The following FER variants were observed in gnomAD, a reference collection of about 807,000 sequenced individuals.
FER encodes FER tyrosine kinase.
A neutral mutation model predicts 111.0 loss-of-function variants in FER; 63 were observed. The observed-to-expected ratio is 0.57, with a 90% CI of 0.46 to 0.70. The LOEUF is 0.70. Ranked by LOEUF, FER falls within the 30% of genes least tolerant of loss-of-function variation. FER has a pLI of 0.00. For missense variants in FER, 914 were observed against 954.0 expected (o/e 0.96, Z 0.55); for synonymous variants, 327 against 313.9 (o/e 1.04, Z -0.44).
At chr5:108,847,452 A>G (rs765637026) in intron 5 of FER, among the ~76,000 whole-genome samples, 15 of 152,098 alleles carry the variant, frequency 9.9e-5, no homozygotes, top group Non-Finnish European at 1.8e-4. Context: ...TAAATGCTTT[A>G]TGTGCACTTG....
chr5:109,035,299 G>C (rs1220129122), intron 13 of FER, among the ~76,000 whole-genome samples: 1 of 152,034 alleles, frequency 6.6e-6, no homozygotes, highest in Non-Finnish European at 1.5e-5. Flanking sequence ...TTTGCAGTCA[G>C]TCTTTCTCAA....
At chr5:108,753,303 T>C (rs1750703778) in intron 1 of FER, among the ~76,000 whole-genome samples, 2 of 152,138 alleles carry the variant, frequency 1.3e-5, no homozygotes, top group South Asian at 4.1e-4. Context: ...TACAATAAAT[T>C]TACTTAAGTT....
intron 16 of FER, among the ~76,000 whole-genome samples, chr5:109,063,796 C>G (rs1774745706): frequency 1.3e-5 from 2 of 152,150 alleles, no homozygotes; most frequent in South Asian, 4.1e-4. Flanking sequence ...TCCTTTAAAA[C>G]AACTTTGATA....
intron 16 of FER, among the ~76,000 whole-genome samples, chr5:109,069,034 T>C (rs1215962889): frequency 6.6e-6 from 1 of 152,200 alleles, no homozygotes; most frequent in African/African-American, 2.4e-5. Context: ...TCATTTTTTT[T>C]TCTTCCTACT....
At chr5:108,856,984 A>G (rs1054680192) in intron 5 of FER, among the ~76,000 whole-genome samples, 8 of 152,082 alleles carry the variant, frequency 5.3e-5, no homozygotes, top group Non-Finnish European at 1.0e-4. Context: ...TTTTGATCCA[A>G]TTTTCACAGC....
At chr5:109,157,594 A>G (rs938166624) in intron 17 of FER, among the ~76,000 whole-genome samples, 28 of 152,068 alleles carry the variant, frequency 1.8e-4, no homozygotes, top group African/African-American at 6.8e-4. Flanking sequence ...GTTAACTTCA[A>G]TAGATTTCCT....
chr5:108,763,637 A>C (rs1221493029), intron 1 of FER, among the ~76,000 whole-genome samples: 1 of 152,158 alleles, frequency 6.6e-6, no homozygotes, highest in Non-Finnish European at 1.5e-5. Flanking sequence ...ATTTCTCCAA[A>C]GCTCTTTGGA....
chr5:109,067,829 A>G (rs1371688400), intron 16 of FER, among the ~76,000 whole-genome samples: 2 of 152,202 alleles, frequency 1.3e-5, no homozygotes, highest in African/African-American at 2.4e-5. Context: ...TTCAGGTAGC[A>G]TTCGATTTGA....
At chr5:109,129,478 T>C (rs1582166755) in intron 17 of FER, among the ~76,000 whole-genome samples, 2 of 152,134 alleles carry the variant, frequency 1.3e-5, no homozygotes, top group South Asian at 4.1e-4. Context: ...TCCAAGACTC[T>C]TTGTACTTTT....
chr5:109,015,894 C>T (rs1767036258), intron 13 of FER, among the ~76,000 whole-genome samples: 1 of 151,952 alleles, frequency 6.6e-6, no homozygotes, highest in Non-Finnish European at 1.5e-5. Flanking sequence ...CGAAGAATGT[C>T]TTTAATGTTT....
chr5:109,078,649 T>C (rs1776645918), intron 16 of FER, among the ~76,000 whole-genome samples: 1 of 152,180 alleles, frequency 6.6e-6, no homozygotes, highest in Non-Finnish European at 1.5e-5. Flanking sequence ...TAGACAACTG[T>C]TGTAAAAACT....
At chr5:108,985,541 G>A (rs1156941558) in intron 13 of FER, among the ~76,000 whole-genome samples, 5 of 151,910 alleles carry the variant, frequency 3.3e-5, no homozygotes, top group African/African-American at 1.2e-4. Context: ...CCCATTACCC[G>A]AGCAGTATAC....
intron 17 of FER, among the ~76,000 whole-genome samples, chr5:109,160,659 A>G (rs1187626949): frequency 6.6e-6 from 1 of 152,124 alleles, no homozygotes; most frequent in African/African-American, 2.4e-5. Flanking sequence ...GTCTAATTGT[A>G]AAATGCCGAA....
chr5:109,144,392 T>G (rs1258129486), intron 17 of FER, among the ~76,000 whole-genome samples: 1 of 152,062 alleles, frequency 6.6e-6, no homozygotes, highest in Non-Finnish European at 1.5e-5. Context: ...CTGGCTTCCT[T>G]GAGATCTGAG....
intron 3 of FER, among the ~76,000 whole-genome samples, chr5:108,813,969 C>T (rs1157547941): frequency 1.3e-5 from 2 of 152,114 alleles, no homozygotes; most frequent in African/African-American, 4.8e-5. Context: ...GGGCCATTTC[C>T]ATGTTAAAAA....
chr5:109,192,946 C>G lies in FER; in HGVS notation c.*5371C>G, dbSNP rs969715644. On this transcript the variant is annotated 3_prime_UTR_variant, in exon 20 of 20. Transcript: ENST00000281092. ...GTAAGACACAAAAAGAAAGAGACAT[C>G]CAGAAAGGAAGGTTGAAAGGAAATG... 2 of 152,002 alleles carry G rather than the reference C, an allele frequency of 1.3e-5. No individual in the cohort carries two copies. Among genetic ancestry groups the G allele is most frequent in the African/African-American group, 4.8e-5 (2 of 41,392 alleles). The allele number at this position is 152,002 out of a possible 1,614,324, so 9.4% of individuals were successfully genotyped here.
At chr5:108,918,490 C>CTT (rs977392132) in intron 10 of FER, among the ~76,000 whole-genome samples, 1 of 135,884 alleles carries the variant, frequency 7.4e-6, no homozygotes, top group East Asian at 2.1e-4. Flanking sequence ...TGTGTTTTTT[C>CTT]TTTTTTTTTT....
chr5:108,938,022 TCTCTCACA>T (rs1290278041), intron 10 of FER, among the ~76,000 whole-genome samples: 173 of 77,846 alleles, frequency 2.2e-3, no homozygotes, highest in African/African-American at 8.0e-3. Flanking sequence ...TCCCTATCTC[TCTCTCACA>T]CACACACACA....
intron 5 of FER, among the ~76,000 whole-genome samples, chr5:108,862,201 A>G (rs1387928607): frequency 6.6e-6 from 1 of 152,194 alleles, no homozygotes; most frequent in Non-Finnish European, 1.5e-5. Flanking sequence ...AATTGTTATT[A>G]ATGACCATTG....
Sources: allele counts gnomAD v4.1 joint callset (sites outside exome capture counted in the v4.1 genomes callset), GRCh38; gene constraint gnomAD v4.1.1; transcripts MANE v1.5; gene names NCBI Gene and HGNC (gene_info 2026-07-23, HGNC 2026-07-21).